NKTR: variants seen among roughly 807,000 people sequenced by gnomAD.
NKTR encodes the protein NK-tumor recognition protein.
A neutral mutation model predicts 156.3 loss-of-function variants in NKTR; 67 were observed. That is an observed-to-expected ratio of 0.43 (90% CI 0.35 to 0.53). The LOEUF is 0.53. Among genes scored for constraint, NKTR ranks in the 20% least tolerant of loss-of-function variants. NKTR has a pLI of 0.01. For missense variants in NKTR, 1,604 were observed against 1,730.9 expected, an observed-to-expected ratio of 0.93 and a Z score of 1.30; for synonymous variants, 640 against 596.6, an observed-to-expected ratio of 1.07 and a Z score of -1.06.
intron 7 of NKTR, 25 bp downstream of exon 7, chr3:42,630,600 T>G (rs756523408): frequency 6.2e-7 from 1 of 1,613,264 alleles, no homozygotes; most frequent in South Asian, 1.1e-5. Flanking sequence ...CTTACTACAT[T>G]GGGGAAGTGT....
rs1394697854 is a variant in NKTR at position 42,634,978 on chromosome 3, G to A, written c.1018-243G>A. 6 of 448,798 alleles carry A rather than the reference G, an allele frequency of 1.3e-5. No individual in the cohort carries two copies. In the Admixed American group the frequency reaches 2.4e-4, roughly 18 times the overall value. The allele number at this position is 448,798 out of a possible 1,614,324, so 27.8% of individuals were successfully genotyped here. A position where few individuals can be genotyped will look rare whatever the true frequency, so the allele number is the denominator to read the frequency against. On this transcript the variant is annotated intron_variant, in intron 11 of 16. Coordinates refer to ENST00000232978, the MANE Select transcript of NKTR (RefSeq NM_005385.4). Reference sequence around the variant, plus strand: ...AAGGAAAATTTTATGTGGATTACAGGTGAATCTCAGCCTTGCCCATCTCTT... The same window carrying A: ...AAGGAAAATTTTATGTGGATTACAGATGAATCTCAGCCTTGCCCATCTCTT...
At position 42,638,053 on chromosome 3, in the gene NKTR, T is replaced by C. The variant is rs72864045; in HGVS notation, c.2349T>C (p.Ser783=). ...GCAGCTCTGAAAAGACACTTCACAGTAAATATGTCAAAGGTAGAGACAGGT... is the reference window on the plus strand; with the variant it reads ...GCAGCTCTGAAAAGACACTTCACAGCAAATATGTCAAAGGTAGAGACAGGT... ...HSSSSEKTLH[S]KYVKGRDRSS... is the part of the protein sequence containing the mutation. The change falls in exon 13 of 17, where the codon AGT becomes AGC. Residue 783 remains serine (S), a synonymous_variant. Transcript: ENST00000232978. 296 of 1,614,060 alleles carry C rather than the reference T, an allele frequency of 1.8e-4. 1 individual carries two copies. The African/African-American group carries it at 3.7e-3, about 20-fold the overall frequency.
At chr3:42,617,012 C>T (rs1035835529) in intron 2 of NKTR, among the ~76,000 whole-genome samples, 1 of 152,180 alleles carries the variant, frequency 6.6e-6, no homozygotes, top group Admixed American at 6.6e-5. Context: ...CTGCCTCAGC[C>T]TCCCAAAGTG....
intron 3 of NKTR, 111 bp downstream of exon 3, chr3:42,617,755 ATT>A: frequency 3.5e-6 from 2 of 579,254 alleles, no homozygotes; most frequent in Non-Finnish European, 6.1e-6. Flanking sequence ...AGTTTTGTGA[ATT>A]AAAAAAAAAA....
chr3:42,604,650 A>ATT (rs1706016585), intron 2 of NKTR, among the ~76,000 whole-genome samples: 1 of 53,136 alleles, frequency 1.9e-5, no homozygotes, highest in South Asian at 5.0e-4. Context: ...GGATTTATCT[A>ATT]TTTCTCTCCT....
At chr3:42,609,419 G>A (rs1250269524) in intron 2 of NKTR, among the ~76,000 whole-genome samples, 1 of 152,216 alleles carries the variant, frequency 6.6e-6, no homozygotes, top group Non-Finnish European at 1.5e-5. Flanking sequence ...GGGGTGAAGT[G>A]TCACAGTGTC....
At chr3:42,619,158 C>T in intron 4 of NKTR, 31 bp downstream of exon 4, 1 of 1,586,536 alleles carries the variant, frequency 6.3e-7, no homozygotes, top group African/African-American at 1.4e-5. Context: ...CCTAATAACT[C>T]CATCTATCAG....
Position 42,637,270 on chromosome 3 carries a change from A to C in NKTR, c.1566A>C (p.Lys522Asn), listed in dbSNP as rs766102826. 6.2e-7 allele frequency: 1 copy of C among 1,613,764 alleles called. No individual in the cohort carries two copies. The highest frequency in any genetic ancestry group is 8.5e-7 in the Non-Finnish European group (1 of 1,179,936). Residue 522 changes from lysine (K) to asparagine (N), a missense_variant, in exon 13 of 17, where the codon AAA (lysine) becomes AAC (asparagine). By Grantham distance (94) the Lys-to-Asn change is moderately conservative. This residue lies in a region of NKTR where 1,255 missense variants were observed against 1,243.7 expected (regional missense o/e 1.01). Coordinates refer to ENST00000232978, the MANE Select transcript of NKTR (RefSeq NM_005385.4). ...CCAGCAGAGACTCATACAGATCAAAATCTCACTCACAGTCTTATTCTAGAG... is the reference window on the plus strand; with the variant it reads ...CCAGCAGAGACTCATACAGATCAAACTCTCACTCACAGTCTTATTCTAGAG... The part of the protein sequence containing the change: ...THSSRDSYRS[K>N]SHSQSYSRGS...
At chr3:42,601,459 C>T (rs1489521227) in intron 2 of NKTR, 3 of 159,240 alleles carry the variant, frequency 1.9e-5, no homozygotes, top group Admixed American at 6.5e-5. Context: ...TTGTGTGTTT[C>T]CTAATCACGA....
intron 16 of NKTR, among the ~76,000 whole-genome samples, chr3:42,644,671 G>C (rs576264210): frequency 6.6e-6 from 1 of 151,998 alleles, no homozygotes; most frequent in East Asian, 1.9e-4. Flanking sequence ...ACCAACTCCA[G>C]CTCACACTCT....
At chr3:42,608,587 TGTATGATCAATTATTTCATCAC>T (rs887849735) in intron 2 of NKTR, among the ~76,000 whole-genome samples, 4 of 152,168 alleles carry the variant, frequency 2.6e-5, no homozygotes, top group African/African-American at 9.7e-5. Flanking sequence ...AATATATGTA[TGTATGATCAATTATTTCATCAC>T]GTATGATTGC....
At chr3:42,630,608 T>G (rs763667897) in intron 7 of NKTR, 33 bp downstream of exon 7, 1 of 1,612,848 alleles carries the variant, frequency 6.2e-7, no homozygotes, top group Non-Finnish European at 8.5e-7. Context: ...ATTGGGGAAG[T>G]GTTTGGGTGG....
intron 6 of NKTR, chr3:42,628,234 T>G: frequency 2.0e-6 from 2 of 985,440 alleles, no homozygotes; most frequent in Non-Finnish European, 2.4e-6. Context: ...CATATCAGGT[T>G]TAGGCACTAT....
rs1183407065 is a variant in NKTR at position 42,638,213 on chromosome 3, A to G, written c.2509A>G (p.Lys837Glu). The G allele has an allele frequency of 6.2e-7, 1 of 1,613,320 alleles. No homozygotes were observed. Among genetic ancestry groups the G allele is most frequent in the African/African-American group, 1.3e-5 (1 of 74,820 alleles). Reference sequence around the variant, plus strand: ...GGGCCAAATGGAAAGAACACATAATAAACAAGAAAAAAACAGAGGTGAAGA... The same window carrying G: ...GGGCCAAATGGAAAGAACACATAATGAACAAGAAAAAAACAGAGGTGAAGA... ...KQGQMERTHN[K>E]QEKNRGEEKS... Residue 837 changes from lysine (K) to glutamate (E), a missense_variant, in exon 13 of 17, where the codon AAA becomes GAA. Lys to Glu is a moderately conservative substitution (Grantham distance 56). Coordinates refer to ENST00000232978, the MANE Select transcript of NKTR (RefSeq NM_005385.4).
intron 9 of NKTR, 31 bp downstream of exon 9, chr3:42,632,854 TA>T: frequency 6.7e-7 from 1 of 1,485,376 alleles, no homozygotes; most frequent in Middle Eastern, 1.8e-4. Context: ...TACTCTTACC[TA>T]AAAACAAACA....
chr3:42,633,684 A>G lies in NKTR; in HGVS notation c.878A>G (p.Asn293Ser). Residue 293 changes from asparagine (N) to serine (S), a missense_variant, in exon 10 of 17, where the codon AAC becomes AGC. Coordinates refer to ENST00000232978, the MANE Select transcript of NKTR (RefSeq NM_005385.4). ...RPEEIPPVPE[N>S]RFLLRRDMPV... ...GAAGAGATTCCTCCAGTGCCTGAGA[A>G]CCGATTTTTACTGAGAAGAGATATG... 6.2e-7 allele frequency: 1 copy of G among 1,614,122 alleles called. No individual in the cohort carries two copies. Among genetic ancestry groups the G allele is most frequent in the Non-Finnish European group, 8.5e-7 (1 of 1,179,986 alleles).
chr3:42,642,531 A>C lies in NKTR; in HGVS notation c.4077A>C (p.Arg1359Ser). The stretch of plus-strand genomic sequence containing the variant: ...GAAGCTACTCTAGAAGTCGGAGCAG[A>C]GGATGGTACAGCAGAGGCCGAACCA... ...RSRSYSRSRSRGWYSRGRTRS... is the reference protein window; with the variant it reads ...RSRSYSRSRSSGWYSRGRTRS... The change falls in exon 14 of 17, where the codon AGA becomes AGC. Residue 1359 changes from arginine to serine, a missense_variant. Around this residue, in one of 6 missense-constraint regions of NKTR, gnomAD observed 193 missense variants for 220.2 expected, o/e 0.88. Transcript: ENST00000232978. 6.2e-7 allele frequency: 1 copy of C among 1,613,978 alleles called. No individual in the cohort carries two copies. The highest frequency in any genetic ancestry group is 8.5e-7 in the Non-Finnish European group (1 of 1,179,842).
intron 6 of NKTR, chr3:42,628,358 CTA>C: frequency 2.0e-6 from 2 of 985,300 alleles, no homozygotes; most frequent in Non-Finnish European, 2.4e-6. Context: ...GAATTAAAAA[CTA>C]AACTTGAATG....
chr3:42,601,141 C>A, intron 2 of NKTR, 77 bp downstream of exon 2: 5 of 1,231,776 alleles, frequency 4.1e-6, no homozygotes, highest in South Asian at 1.5e-5. Context: ...CTCAGCAACC[C>A]TCCCCCGGCC....
Sources: gnomAD v4.1 joint callset for allele counts (sites outside exome capture counted in the v4.1 genomes callset) on GRCh38, gnomAD v4.1.1 for gene constraint, gnomAD v4.1.1 regional missense constraint, MANE v1.5 for transcripts, NCBI Gene and HGNC (gene_info 2026-07-23, HGNC 2026-07-21) for gene names.